Variants in ADAMTS19 observed in about 807,000 individuals in gnomAD.
ADAMTS19 encodes the protein A disintegrin and metalloproteinase with thrombospondin motifs 19.
Under a neutral mutation model 153.3 loss-of-function variants are expected in ADAMTS19, and 93 were observed. The observed-to-expected ratio is 0.61, with a 90% confidence interval of 0.51 to 0.72. The LOEUF (loss-of-function observed/expected upper bound fraction) is 0.72, where lower values mean the gene tolerates loss of function less well. Among genes scored for constraint, ADAMTS19 ranks in the 30% least tolerant of loss-of-function variants. The pLI, the probability that ADAMTS19 is intolerant of heterozygous loss-of-function variation, is 0.00. For missense variants in ADAMTS19, 1,482 were observed against 1,552.1 expected (o/e 0.95, Z 0.76); for synonymous variants, 600 against 556.6 (o/e 1.08, Z -1.10).
In ADAMTS19 at chr5:129,737,871, A is replaced by G. The variant is rs1490813638; in HGVS notation, c.*653A>G. On this transcript the variant is annotated 3_prime_UTR_variant, in exon 23 of 23. Coordinates refer to ENST00000274487, the MANE Select transcript of ADAMTS19 (RefSeq NM_133638.6). Reference sequence around the variant, plus strand: ...ACATGTACTTGAACACAAGTATTGTAACAATGAAACACTGTAATGATTTAC... The same window carrying G: ...ACATGTACTTGAACACAAGTATTGTGACAATGAAACACTGTAATGATTTAC... The G allele has an allele frequency of 6.6e-6, 1 of 152,564 alleles. No individual in the cohort carries two copies. Among genetic ancestry groups the G allele is most frequent in the Non-Finnish European group, 1.5e-5 (1 of 68,006 alleles). 9.5% of individuals were successfully genotyped at this position (152,564 alleles called of 1,614,324 possible).
chr5:129,544,489 G>T (rs555010674), intron 6 of ADAMTS19, among the ~76,000 whole-genome samples: 6 of 152,128 alleles, frequency 3.9e-5, no homozygotes, highest in African/African-American at 1.4e-4. Flanking sequence ...ATTAAGTCCA[G>T]TTCTTTTAAT....
At chr5:129,492,953 C>T (rs554426287) in intron 2 of ADAMTS19, among the ~76,000 whole-genome samples, 1 of 152,238 alleles carries the variant, frequency 6.6e-6, no homozygotes, top group South Asian at 2.1e-4. Context: ...GCTTTATGTG[C>T]TTCTTTAAGA....
chr5:129,549,654 G>C (rs1468997599), intron 6 of ADAMTS19, among the ~76,000 whole-genome samples: 3 of 151,086 alleles, frequency 2.0e-5, no homozygotes, highest in Non-Finnish European at 3.0e-5. Flanking sequence ...AATCAATCCA[G>C]TATTGATTAT....
chr5:129,479,665 C>T (rs923266399), intron 2 of ADAMTS19, among the ~76,000 whole-genome samples: 11 of 151,792 alleles, frequency 7.2e-5, no homozygotes, highest in African/African-American at 1.9e-4. Flanking sequence ...TACTAATGAA[C>T]GATTATAAAT....
intron 7 of ADAMTS19, among the ~76,000 whole-genome samples, chr5:129,592,820 A>T (rs1750203962): frequency 6.6e-6 from 1 of 152,112 alleles, no homozygotes; most frequent in African/African-American, 2.4e-5. Flanking sequence ...TGTTTATAAG[A>T]CTTTAATTTT....
At chr5:129,675,130 T>A (rs746362209) in intron 16 of ADAMTS19, among the ~76,000 whole-genome samples, 14 of 152,222 alleles carry the variant, frequency 9.2e-5, no homozygotes, top group Non-Finnish European at 1.9e-4. Context: ...TTAAATCTTT[T>A]ACCCCTGTTT....
intron 11 of ADAMTS19, among the ~76,000 whole-genome samples, chr5:129,645,592 T>A (rs1327076357): frequency 6.6e-6 from 1 of 152,154 alleles, no homozygotes; most frequent in East Asian, 1.9e-4. Flanking sequence ...GCCAGATGTG[T>A]CATTGTTTAA....
At chr5:129,681,472 A>G (rs1754807759) in intron 17 of ADAMTS19, among the ~76,000 whole-genome samples, 1 of 152,182 alleles carries the variant, frequency 6.6e-6, no homozygotes, top group Non-Finnish European at 1.5e-5. Context: ...ACTATCCAAA[A>G]GTGCTTTATG....
intron 8 of ADAMTS19, among the ~76,000 whole-genome samples, chr5:129,608,717 T>G (rs1417699355): frequency 6.6e-6 from 1 of 150,556 alleles, no homozygotes; most frequent in African/African-American, 2.4e-5. Flanking sequence ...AGTTCAGGAG[T>G]TCAAGACCAT....
At chr5:129,526,707 CT>C (rs983059367) in intron 4 of ADAMTS19, among the ~76,000 whole-genome samples, 4 of 151,590 alleles carry the variant, frequency 2.6e-5, no homozygotes, top group Non-Finnish European at 4.4e-5. Flanking sequence ...TCTTTTCTCT[CT>C]TTTTTTGGTA....
intron 10 of ADAMTS19, among the ~76,000 whole-genome samples, chr5:129,633,551 T>A (rs1752401906): frequency 6.6e-6 from 1 of 152,136 alleles, no homozygotes; most frequent in Non-Finnish European, 1.5e-5. Flanking sequence ...CAAGCTACAA[T>A]GGCAGTATTG....
intron 6 of ADAMTS19, among the ~76,000 whole-genome samples, chr5:129,542,080 C>G (rs539723877): frequency 6.6e-6 from 1 of 152,098 alleles, no homozygotes; most frequent in East Asian, 1.9e-4. Context: ...GCCACAGAGA[C>G]CAACTTTGCC....
intron 15 of ADAMTS19, among the ~76,000 whole-genome samples, chr5:129,659,079 G>T (rs1045659247): frequency 3.3e-5 from 5 of 152,170 alleles, no homozygotes; most frequent in Admixed American, 6.5e-5. Context: ...ATTTGTAACA[G>T]CCTAAAGCAA....
At chr5:129,605,056 A>G (rs918156658) in intron 8 of ADAMTS19, among the ~76,000 whole-genome samples, 1 of 152,170 alleles carries the variant, frequency 6.6e-6, no homozygotes, top group Non-Finnish European at 1.5e-5. Context: ...CTTCTCACTA[A>G]TTGTCCTGCT....
chr5:129,666,002 G>A (rs748666989), intron 16 of ADAMTS19, among the ~76,000 whole-genome samples: 4 of 149,106 alleles, frequency 2.7e-5, no homozygotes, highest in Admixed American at 1.3e-4. Flanking sequence ...TAAAATGATC[G>A]TTTCGTCAGG....
At chr5:129,633,022 A>AT (rs1554100880) in intron 10 of ADAMTS19, among the ~76,000 whole-genome samples, 5 of 151,922 alleles carry the variant, frequency 3.3e-5, no homozygotes, top group Non-Finnish European at 7.4e-5. Flanking sequence ...ACACACATTA[A>AT]TTTTTTTGAT....
At chr5:129,655,555 T>C (rs25819) in intron 14 of ADAMTS19, among the ~76,000 whole-genome samples, 62,698 of 151,880 alleles carry the variant, frequency 0.41, 14,288 homozygotes, top group African/African-American at 0.62. Flanking sequence ...TGGTAGACCA[T>C]TGGTCATTGA....
chr5:129,510,007 G>C (rs1325719461), intron 3 of ADAMTS19, among the ~76,000 whole-genome samples: 1 of 151,774 alleles, frequency 6.6e-6, no homozygotes. Context: ...AGTTTTCCTA[G>C]GAAAAATTTT....
At chr5:129,549,450 C>T (rs969039662) in intron 6 of ADAMTS19, among the ~76,000 whole-genome samples, 10 of 151,442 alleles carry the variant, frequency 6.6e-5, no homozygotes, top group Admixed American at 2.0e-4. Context: ...AGACACAATC[C>T]ACCTTAGCAA....
Sources: allele counts gnomAD v4.1 joint callset (sites outside exome capture counted in the v4.1 genomes callset), GRCh38; gene constraint gnomAD v4.1.1; transcripts MANE v1.5; gene names NCBI Gene and HGNC (gene_info 2026-07-23, HGNC 2026-07-21).